The following FARP1 variants were observed in gnomAD, a reference collection of about 807,000 sequenced individuals.
FARP1 encodes FERM, ARH/RhoGEF and pleckstrin domain protein 1, also known as FERM, ARHGEF and pleckstrin domain-containing protein 1.
In FARP1, 52 loss-of-function variants were observed where a neutral mutation model predicts 128.8. The observed-to-expected ratio is 0.40, with a 90% CI of 0.32 to 0.51. The LOEUF is 0.51. Ranked by LOEUF, FARP1 falls within the 20% of genes least tolerant of loss-of-function variation. FARP1 has a pLI of 0.45. For synonymous variants in FARP1, 580 were observed against 551.8 expected (o/e 1.05, Z -0.72); for missense variants, 1,333 against 1,367.9 (o/e 0.97, Z 0.40).
intron 4 of FARP1, among the ~76,000 whole-genome samples, chr13:98,367,662 TC>T (rs1889153826): frequency 6.6e-6 from 1 of 152,116 alleles, no homozygotes. Context: ...GTGTATGTTT[TC>T]CCCAGAGCTC....
At chr13:98,319,964 G>A (rs1566874114) in intron 2 of FARP1, among the ~76,000 whole-genome samples, 1 of 152,142 alleles carries the variant, frequency 6.6e-6, no homozygotes, top group Non-Finnish European at 1.5e-5. Flanking sequence ...GGTAACTTAA[G>A]CAGAAAAAGG....
At chr13:98,233,137 C>T (rs1340887665) in intron 2 of FARP1, among the ~76,000 whole-genome samples, 1 of 152,150 alleles carries the variant, frequency 6.6e-6, no homozygotes, top group East Asian at 1.9e-4. Flanking sequence ...TCACTTTTTC[C>T]ATTTGTATAG....
In FARP1 at chr13:98,171,883, A is replaced by C. The variant is rs534432048; in HGVS notation, c.-24+28391A>C. Among the ~76,000 whole-genome samples the C allele has an allele frequency of 3.9e-5, 6 of 152,276 alleles. No individual in the cohort carries two copies. The East Asian group carries it at 5.8e-4, about 15-fold the overall frequency. ...GACTTGTGCCCCTGAACGTATCTGCACACGCGCTCGGTCACATTTCTCTAT... is the reference window on the plus strand; with the variant it reads ...GACTTGTGCCCCTGAACGTATCTGCCCACGCGCTCGGTCACATTTCTCTAT... On this transcript the variant is annotated intron_variant, in intron 1 of 26. Transcript: ENST00000319562.
chr13:98,248,249 T>C (rs1214295399), intron 2 of FARP1, among the ~76,000 whole-genome samples: 1 of 133,478 alleles, frequency 7.5e-6, no homozygotes, highest in African/African-American at 2.9e-5. Context: ...CTCTGAAATA[T>C]TCTGTGATTT....
At chr13:98,163,951 C>T (rs1452100473) in intron 1 of FARP1, among the ~76,000 whole-genome samples, 17 of 148,618 alleles carry the variant, frequency 1.1e-4, no homozygotes, top group African/African-American at 4.0e-4. Flanking sequence ...TCAGGTTATC[C>T]GCCCGCCTCA....
chr13:98,261,085 A>G lies in FARP1; in HGVS notation c.171+47672A>G, dbSNP rs564250815. 2.0e-5 allele frequency among the ~76,000 whole-genome samples: 3 copies of G among 152,348 alleles called. No homozygotes were observed. The South Asian group carries it at 6.2e-4, about 32-fold the overall frequency. ...AGGAAGGGGAAACTCTGGTGTCCGCATCCTATGGGAATGCACAGTGCATTG... is the reference window on the plus strand; with the variant it reads ...AGGAAGGGGAAACTCTGGTGTCCGCGTCCTATGGGAATGCACAGTGCATTG... On this transcript the variant is annotated intron_variant, in intron 2 of 26. Coordinates refer to ENST00000319562, the MANE Select transcript of FARP1 (RefSeq NM_005766.4).
chr13:98,359,268 A>ATGTGTGAAGCACTTACCCACT (rs1299671331), intron 3 of FARP1, among the ~76,000 whole-genome samples: 1 of 152,156 alleles, frequency 6.6e-6, no homozygotes, highest in Non-Finnish European at 1.5e-5. Context: ...TTAAATGAGA[A>ATGTGTGAAGCACTTACCCACT]TGTGTGAAGC....
chr13:98,258,983 G>A (rs1335763393), intron 2 of FARP1, among the ~76,000 whole-genome samples: 8 of 152,242 alleles, frequency 5.3e-5, no homozygotes, highest in Admixed American at 5.2e-4. Flanking sequence ...CAAGGCGGGA[G>A]GATCGCTTGA....
At chr13:98,373,341 C>A (rs1401862086) in intron 5 of FARP1, among the ~76,000 whole-genome samples, 1 of 152,092 alleles carries the variant, frequency 6.6e-6, no homozygotes, top group African/African-American at 2.4e-5. Context: ...TTCAGAATGT[C>A]ATTTTAAAAC....
chr13:98,237,265 T>C (rs1471664625), intron 2 of FARP1, among the ~76,000 whole-genome samples: 1 of 151,664 alleles, frequency 6.6e-6, no homozygotes, highest in East Asian at 1.9e-4. Flanking sequence ...GATCACGCCA[T>C]TGTACTCCAG....
At position 98,368,261 on chromosome 13, in the gene FARP1, C is replaced by T. The variant is rs769948062; in HGVS notation, c.398+66C>T. ...CAGAGGAAAAGAGAAAATGAATGTTCTCAATTGATGACACAAACATTTTCA... is the reference window on the plus strand; with the variant it reads ...CAGAGGAAAAGAGAAAATGAATGTTTTCAATTGATGACACAAACATTTTCA... On this transcript the variant is annotated intron_variant, in intron 5 of 26. Coordinates refer to ENST00000319562, the MANE Select transcript of FARP1 (RefSeq NM_005766.4). 46 of 1,133,578 alleles carry T rather than the reference C, an allele frequency of 4.1e-5. 1 individual carries two copies. Among genetic ancestry groups the T allele is most frequent in the Non-Finnish European group, 5.9e-5 (44 of 746,236 alleles). 70.2% of individuals were successfully genotyped at this position (1,133,578 alleles called of 1,614,324 possible).
chr13:98,331,031 C>G (rs546439041), intron 2 of FARP1, among the ~76,000 whole-genome samples: 18 of 152,176 alleles, frequency 1.2e-4, no homozygotes, highest in Middle Eastern at 3.2e-3. Context: ...GGCCATCGAT[C>G]AGCATCCCTT....
chr13:98,246,404 T>G (rs1883069731), intron 2 of FARP1, among the ~76,000 whole-genome samples: 1 of 152,176 alleles, frequency 6.6e-6, no homozygotes, highest in Non-Finnish European at 1.5e-5. Context: ...CGAGATAAAT[T>G]CTTAATTCTC....
At chr13:98,300,425 A>C (rs2139696713) in intron 2 of FARP1, among the ~76,000 whole-genome samples, 1 of 152,340 alleles carries the variant, frequency 6.6e-6, no homozygotes, top group Non-Finnish European at 1.5e-5. Flanking sequence ...AGAGCTGGGC[A>C]GATGCTTTGG....
intron 19 of FARP1, chr13:98,437,721 A>G (rs930389409): frequency 2.1e-6 from 2 of 942,906 alleles, no homozygotes; most frequent in Non-Finnish European, 3.4e-6. Context: ...GCAGACCTGT[A>G]TAGCTTCTCC....
intron 2 of FARP1, among the ~76,000 whole-genome samples, chr13:98,315,617 G>A (rs1406504016): frequency 1.3e-5 from 2 of 152,184 alleles, no homozygotes; most frequent in Admixed American, 1.3e-4. Flanking sequence ...GTCTGGGAAG[G>A]CTGAGGAGTG....
chr13:98,442,375 T>A (rs1290329641), intron 24 of FARP1, among the ~76,000 whole-genome samples: 1 of 152,194 alleles, frequency 6.6e-6, no homozygotes, highest in Non-Finnish European at 1.5e-5. Flanking sequence ...CTGCCTTTAT[T>A]GAGTTTCCTG....
chr13:98,167,515 T>C (rs1032913400), intron 1 of FARP1, among the ~76,000 whole-genome samples: 2 of 151,582 alleles, frequency 1.3e-5, no homozygotes, highest in African/African-American at 4.8e-5. Flanking sequence ...GTTCAAGTGA[T>C]TCTCCTGCCT....
intron 2 of FARP1, among the ~76,000 whole-genome samples, chr13:98,275,909 G>GT (rs1884634131): frequency 6.6e-6 from 1 of 152,134 alleles, no homozygotes; most frequent in African/African-American, 2.4e-5. Flanking sequence ...TTTTTGAAGT[G>GT]TTTTCATTAA....
Sources: gnomAD v4.1 joint callset for allele counts (sites outside exome capture counted in the v4.1 genomes callset) on GRCh38, gnomAD v4.1.1 for gene constraint, MANE v1.5 for transcripts, NCBI Gene and HGNC (gene_info 2026-07-23, HGNC 2026-07-21) for gene names.